TEP1: variants seen among roughly 807,000 people sequenced by gnomAD.
TEP1 encodes the protein telomerase protein component 1.
Under a neutral mutation model 306.3 loss-of-function variants are expected in TEP1, and 241 were observed. That is an observed-to-expected ratio of 0.79 (90% CI 0.71 to 0.88). TEP1 has a LOEUF of 0.88. Ranked by LOEUF, TEP1 falls within the 40% of genes least tolerant of loss-of-function variation. The pLI is 0.00. For synonymous variants in TEP1, 1,289 were observed against 1,305.5 expected, an observed-to-expected ratio of 0.99 and a Z score of 0.27; for missense variants, 3,051 against 3,276.1, an observed-to-expected ratio of 0.93 and a Z score of 1.68.
In TEP1 at chr14:20,368,883, G is replaced by A. The variant is rs764781369; in HGVS notation, c.7676C>T (p.Thr2559Ile). 1.2e-6 allele frequency: 2 copies of A among 1,613,876 alleles called. No homozygotes were observed. The highest frequency in any genetic ancestry group is 3.3e-5 in the Admixed American group (2 of 59,990). ...QRRKIHSGSV[T>I]ALHVLPELLV... ...CAACTCAGGTAGCACATGGAGGGCT[G>A]TGACAGAGCCCGAGTGAATCTCAAA... Residue 2559 changes from threonine (T) to isoleucine (I), a missense_variant, in exon 54 of 55, where the codon ACA becomes ATA. Around this residue, in one of 3 missense-constraint regions of TEP1, gnomAD observed 1,540 missense variants for 1,705.9 expected, o/e 0.90. Transcript: ENST00000262715.
chr14:20,408,341 T>C lies in TEP1; in HGVS notation c.99A>G (p.Lys33=). ...AGTGGGTAGATACATGCTGATGTAG[T>C]TTCTCCAAGGGCTGTAAGTCAGGGA... The part of the protein sequence containing the change: ...AMLPDLQPLE[K]LHQHVSTHSD... Residue 33 remains lysine, a synonymous_variant, in exon 2 of 55, where the codon AAA becomes AAG. Coordinates refer to ENST00000262715, the MANE Select transcript of TEP1 (RefSeq NM_007110.5). The C allele has an allele frequency of 2.5e-6, 4 of 1,612,600 alleles. No homozygotes were observed. The highest frequency in any genetic ancestry group is 3.4e-6 in the Non-Finnish European group (4 of 1,179,818).
At chr14:20,405,078 A>G (rs1347528861) in intron 4 of TEP1, among the ~76,000 whole-genome samples, 3 of 152,194 alleles carry the variant, frequency 2.0e-5, no homozygotes, top group Non-Finnish European at 2.9e-5. Flanking sequence ...GGTTCAAATC[A>G]TTGATTAAAC....
At chr14:20,398,532 A>C (rs4280143) in intron 9 of TEP1, among the ~76,000 whole-genome samples, 101,343 of 151,428 alleles carry the variant, frequency 0.67, 34,994 homozygotes, top group African/African-American at 0.85. Context: ...TGAAGGGGTG[A>C]CATTAATGCC....
intron 41 of TEP1, among the ~76,000 whole-genome samples, chr14:20,376,720 C>T (rs755974681): frequency 1.3e-5 from 2 of 152,120 alleles, no homozygotes; most frequent in African/African-American, 2.4e-5. Flanking sequence ...AAGTCTCCCA[C>T]GGGGCAGAAA....
chr14:20,389,204 G>C, intron 17 of TEP1, 34 bp downstream of exon 17: 2 of 1,593,644 alleles, frequency 1.3e-6, no homozygotes, highest in Non-Finnish European at 1.7e-6. Flanking sequence ...TTCCAACAAA[G>C]TATCCAACCC....
chr14:20,369,269 A>G (rs1884673500), intron 53 of TEP1, 75 bp downstream of exon 53: 11 of 1,503,386 alleles, frequency 7.3e-6, no homozygotes, highest in Admixed American at 1.7e-5. Context: ...AGGCCTCCCA[A>G]AGTGCTGGGA....
chr14:20,375,857 G>A lies in TEP1; in HGVS notation c.6261C>T (p.Cys2087=). The A allele has an allele frequency of 6.2e-7, 1 of 1,612,216 alleles. No homozygotes were observed. The highest frequency in any genetic ancestry group is 8.5e-7 in the Non-Finnish European group (1 of 1,178,718). ...GGGTTTTGGGTGTCCTCACGTCCCA[G>A]CAGAGGAGACTCTGGATAGGCCCCA... The part of the protein sequence containing the change: ...ATGGRDRSLL[C]WDVRTPKTPV... The change falls in exon 43 of 55, where the codon TGC becomes TGT. Residue 2087 remains cysteine (C), a synonymous_variant. Transcript: ENST00000262715.
At chr14:20,410,739 G>A (rs896623931) in intron 1 of TEP1, among the ~76,000 whole-genome samples, 11 of 146,844 alleles carry the variant, frequency 7.5e-5, no homozygotes, top group Non-Finnish European at 1.2e-4. Flanking sequence ...TGTGCCTGGC[G>A]GACTCCTTTT....
At chr14:20,404,493 C>T (rs1879012739) in intron 5 of TEP1, 118 bp downstream of exon 5, 1 of 1,304,414 alleles carries the variant, frequency 7.7e-7, no homozygotes, top group Non-Finnish European at 1.0e-6. Context: ...TGTCTGGGCA[C>T]CAATGCTGAG....
intron 39 of TEP1, 123 bp downstream of exon 39, chr14:20,377,901 C>A: frequency 6.8e-7 from 1 of 1,461,702 alleles, no homozygotes; most frequent in East Asian, 2.3e-5. Context: ...CCCCTCTCCC[C>A]GTGGTTCCTG....
At chr14:20,368,720 T>C in intron 54 of TEP1, 78 bp downstream of exon 54, 2 of 1,542,166 alleles carry the variant, frequency 1.3e-6, no homozygotes, top group Non-Finnish European at 8.9e-7. Flanking sequence ...TACTCTAAGT[T>C]TGCTGTCTTG....
chr14:20,404,800 T>C, intron 4 of TEP1, 28 bp from the exon 5 acceptor site: 1 of 1,574,088 alleles, frequency 6.4e-7, no homozygotes, highest in Non-Finnish European at 8.6e-7. Flanking sequence ...AGGACTAGAA[T>C]CTCAGTCACT....
At position 20,383,903 on chromosome 14, in the gene TEP1, C is replaced by T. The variant is rs1283327226; in HGVS notation, c.3550G>A (p.Ala1184Thr). The change falls in exon 25 of 55, where the codon GCC (alanine) becomes ACC (threonine). Residue 1184 changes from alanine (A) to threonine (T), a missense_variant. By Grantham distance (58) the Ala-to-Thr change is moderately conservative (BLOSUM62 0). Transcript: ENST00000262715. Reference sequence around the variant, plus strand: ...TTGGCCCCATCAGGAGCCTGCAGGGCTGACACAAGAGATGCCTGCATGGGA... The same window carrying T: ...TTGGCCCCATCAGGAGCCTGCAGGGTTGACACAAGAGATGCCTGCATGGGA... ...KTAFLASLVS[A>T]LQAPDGAKVA... 1.2e-6 allele frequency: 2 copies of T among 1,600,054 alleles called. No homozygotes were observed. Among genetic ancestry groups the T allele is most frequent in the Admixed American group, 1.7e-5 (1 of 59,166 alleles).
At chr14:20,405,375 C>G in intron 4 of TEP1, 76 bp downstream of exon 4, 1 of 1,370,050 alleles carries the variant, frequency 7.3e-7, no homozygotes, top group South Asian at 1.4e-5. Flanking sequence ...AGCTAGTCAC[C>G]ACCCCGCCAC....
At position 20,395,900 on chromosome 14, in the gene TEP1, T is replaced by G. The variant is rs1330277970; in HGVS notation, c.1709A>C (p.His570Pro). ...AGCCTCGAGGGCATCAATGGCATCA[T>G]GGGCGTTAAGAAATCTGAATGGAAA... The part of the protein sequence containing the change: ...RQFPFRFLNA[H>P]DAIDALEAQL... Residue 570 changes from histidine to proline, a missense_variant, in exon 11 of 55, where the codon CAT (histidine) becomes CCT (proline). By Grantham distance (77) the His-to-Pro change is moderately conservative (BLOSUM62 -2). This residue lies in a region of TEP1 where 1,507 missense variants were observed against 1,550.5 expected (regional missense o/e 0.97). Coordinates refer to ENST00000262715, the MANE Select transcript of TEP1 (RefSeq NM_007110.5). 1.6e-5 allele frequency: 26 copies of G among 1,614,078 alleles called. No homozygotes were observed. The highest frequency in any genetic ancestry group is 2.2e-5 in the Non-Finnish European group (26 of 1,180,012).
At chr14:20,379,253 T>A in intron 35 of TEP1, 148 bp from the exon 36 acceptor site, 1 of 1,084,388 alleles carries the variant, frequency 9.2e-7, no homozygotes, top group East Asian at 2.5e-5. Flanking sequence ...CACGTTCAAG[T>A]GGGGGCCTCG....
chr14:20,401,619 A>C, intron 7 of TEP1, 38 bp from the exon 8 acceptor site: 1 of 1,608,646 alleles, frequency 6.2e-7, no homozygotes, highest in Non-Finnish European at 8.5e-7. Flanking sequence ...GGGTCCTTTC[A>C]TCCATGACCA....
In TEP1 at chr14:20,384,054, C is replaced by T; in HGVS notation, c.3518G>A (p.Gly1173Asp). 1 of 1,609,434 alleles carries T rather than the reference C, an allele frequency of 6.2e-7. No homozygotes were observed. Among genetic ancestry groups the T allele is most frequent in the Non-Finnish European group, 8.5e-7 (1 of 1,177,900 alleles). The part of the protein sequence containing the change: ...LSLVTGQSGQ[G>D]KTAFLASLVS... ...ACTCTGTACCAGGAAGGCTGTCTTG[C>T]CCTGTCCTGACTGCCCCGTCACCAG... The change falls in exon 24 of 55, where the codon GGC (glycine) becomes GAC (aspartate). Residue 1173 changes from glycine to aspartate, a missense_variant. Around this residue, in one of 3 missense-constraint regions of TEP1, gnomAD observed 1,507 missense variants for 1,550.5 expected, o/e 0.97. Transcript: ENST00000262715.
intron 35 of TEP1, 83 bp from the exon 36 acceptor site, chr14:20,379,188 A>G (rs1190675174): frequency 6.5e-6 from 10 of 1,541,156 alleles, no homozygotes; most frequent in African/African-American, 1.4e-5. Context: ...ACCCAAAAAG[A>G]AGGCCAAGGC....
Sources: gnomAD v4.1 joint callset for allele counts (sites outside exome capture counted in the v4.1 genomes callset) on GRCh38, gnomAD v4.1.1 for gene constraint, gnomAD v4.1.1 regional missense constraint, MANE v1.5 for transcripts, NCBI Gene and HGNC (gene_info 2026-07-23, HGNC 2026-07-21) for gene names.